TNRC18: variants seen among roughly 807,000 people sequenced by gnomAD.
TNRC18 encodes trinucleotide repeat-containing gene 18 protein.
In TNRC18, 69 loss-of-function variants were observed where a neutral mutation model predicts 226.7. The observed-to-expected ratio is 0.30, with a 90% CI of 0.25 to 0.37. TNRC18 has a LOEUF of 0.37. Ranked by LOEUF, TNRC18 falls within the 10% of genes least tolerant of loss-of-function variation. The probability of loss-of-function intolerance (pLI) is 1.00; values close to 1 mark genes in which losing one functional copy is unlikely to be tolerated. For missense variants in TNRC18, 4,754 were observed against 4,256.6 expected (o/e 1.12, Z -3.25); for synonymous variants, 2,449 against 1,927.6 (o/e 1.27, Z -7.09).
chr7:5,363,537 G>A (rs941403129), intron 11 of TNRC18, among the ~76,000 whole-genome samples: 1 of 152,148 alleles, frequency 6.6e-6, no homozygotes, highest in African/African-American at 2.4e-5. Context: ...CTGGGAGGCG[G>A]AGCTTGCAGT....
At chr7:5,347,689 G>T (rs942678894) in intron 17 of TNRC18, among the ~76,000 whole-genome samples, 1 of 150,848 alleles carries the variant, frequency 6.6e-6, no homozygotes, top group African/African-American at 2.4e-5. Context: ...CAGCGCAGTG[G>T]CTCACGCCTG....
At chr7:5,327,801 T>C (rs1327874332) in intron 19 of TNRC18, among the ~76,000 whole-genome samples, 1 of 152,074 alleles carries the variant, frequency 6.6e-6, no homozygotes, top group South Asian at 2.1e-4. Context: ...AAGTTCTGTA[T>C]GCAAAACAGA....
At chr7:5,411,515 C>CGAAA (rs1781843766) in intron 2 of TNRC18, among the ~76,000 whole-genome samples, 1 of 65,450 alleles carries the variant, frequency 1.5e-5, no homozygotes. Context: ...AAGACTCTGT[C>CGAAA]AAAAAAAAAA....
intron 2 of TNRC18, among the ~76,000 whole-genome samples, chr7:5,417,899 A>T (rs1047547591): frequency 4.6e-5 from 7 of 152,180 alleles, no homozygotes; most frequent in Non-Finnish European, 8.8e-5. Flanking sequence ...GATTCCAGAG[A>T]TGGATCTGAT....
At position 5,313,541 on chromosome 7, in the gene TNRC18, G is replaced by T. The variant is rs1389194352; in HGVS notation, c.7350C>A (p.Gly2450=). Residue 2450 remains glycine (G), a synonymous_variant, in exon 27 of 30, where the codon GGC becomes GGA. Transcript: ENST00000430969. ...ARAAEESGAK[G]PRRPGEEAEL... ...CGGCCTCCTCCCCCGGCCTCCGAGG[G>T]CCCTTGGCACCCGACTCCTCGGCTG... 6 of 1,611,130 alleles carry T rather than the reference G, an allele frequency of 3.7e-6. No homozygotes were observed. Among genetic ancestry groups the T allele is most frequent in the Non-Finnish European group, 5.1e-6 (6 of 1,178,828 alleles).
At chr7:5,384,380 C>T (rs2128188531) in intron 5 of TNRC18, among the ~76,000 whole-genome samples, 1 of 152,298 alleles carries the variant, frequency 6.6e-6, no homozygotes, top group East Asian at 1.9e-4. Flanking sequence ...GGATTACAGG[C>T]CTGAGCCACC....
chr7:5,349,629 G>A (rs955679069), intron 17 of TNRC18, among the ~76,000 whole-genome samples: 14 of 152,346 alleles, frequency 9.2e-5, no homozygotes, highest in Middle Eastern at 6.8e-3. Flanking sequence ...TCGCACCCAA[G>A]CTCAGTGACC....
intron 2 of TNRC18, among the ~76,000 whole-genome samples, chr7:5,398,376 G>A (rs1473637356): frequency 6.6e-6 from 1 of 152,108 alleles, no homozygotes; most frequent in African/African-American, 2.4e-5. Context: ...CTCAATGTTG[G>A]TCAGGCTGGT....
chr7:5,326,675 C>T (rs1335309726), intron 19 of TNRC18, among the ~76,000 whole-genome samples: 3 of 152,096 alleles, frequency 2.0e-5, no homozygotes, highest in East Asian at 1.9e-4. Context: ...GGCATGGTGG[C>T]GGGTGCCTGT....
intron 5 of TNRC18, among the ~76,000 whole-genome samples, chr7:5,378,708 G>A (rs1193748161): frequency 6.6e-6 from 1 of 151,552 alleles, no homozygotes; most frequent in Non-Finnish European, 1.5e-5. Context: ...GTGAGTCACC[G>A]AGCCCCGCCA....
chr7:5,335,598 C>A (rs1267831624), intron 18 of TNRC18, among the ~76,000 whole-genome samples: 4 of 117,994 alleles, frequency 3.4e-5, no homozygotes, highest in African/African-American at 1.2e-4. Flanking sequence ...GAGTGAGACT[C>A]CGTCTAGAAA....
chr7:5,363,098 A>T (rs1211926339), intron 11 of TNRC18, among the ~76,000 whole-genome samples: 1 of 149,658 alleles, frequency 6.7e-6, no homozygotes, highest in Non-Finnish European at 1.5e-5. Context: ...GTTCAAGACC[A>T]GCCTAGCCAA....
intron 16 of TNRC18, among the ~76,000 whole-genome samples, chr7:5,356,590 C>A (rs1012341597): frequency 4.6e-5 from 7 of 152,252 alleles, no homozygotes; most frequent in African/African-American, 9.6e-5. Context: ...GGCTTCCTCG[C>A]CTATGACATC....
rs1780569677 is a variant in TNRC18, at chr7:5,394,989, C to A, written c.188-394G>T. Among the ~76,000 whole-genome samples, 5 of 152,188 alleles carry A rather than the reference C, an allele frequency of 3.3e-5. No individual in the cohort carries two copies. In the South Asian group the frequency reaches 1.0e-3, roughly 32 times the overall value. On this transcript the variant is annotated intron_variant, in intron 2 of 29. Coordinates refer to ENST00000430969, the MANE Select transcript of TNRC18 (RefSeq NM_001080495.3). The surrounding 1 kb of genome is among the most constrained non-coding windows in gnomAD (Gnocchi z 4.5). The stretch of plus-strand genomic sequence containing the variant: ...GGCGCACTGGGACTTCCAGAGGCCA[C>A]AGGGCAAGGCGGTGGGGGACTTACA...
Position 5,315,864 on chromosome 7 carries a change from CTT to C in TNRC18, c.6862+90_6862+91del, listed in dbSNP as rs1787795041. 15 of 963,348 alleles carry C rather than the reference CTT, an allele frequency of 1.6e-5. No homozygotes were observed. In the South Asian group the frequency reaches 2.8e-4, roughly 18 times the overall value. 59.7% of individuals were successfully genotyped at this position (963,348 alleles called of 1,614,324 possible). Reference sequence around the variant, plus strand: ...TTCCATCACCTGTGGCTCCAAATGACTTCAGACAGAGCTCAGAGCCGGGCTTG... The same window carrying C: ...TTCCATCACCTGTGGCTCCAAATGACCAGACAGAGCTCAGAGCCGGGCTTG... On this transcript the variant is annotated intron_variant, in intron 25 of 29. Transcript: ENST00000430969.
intron 5 of TNRC18, among the ~76,000 whole-genome samples, chr7:5,386,129 G>C (rs545067403): frequency 1.0e-4 from 15 of 149,318 alleles, no homozygotes; most frequent in Admixed American, 9.5e-4. Context: ...TCTACTAAAA[G>C]ATACAAAAGT....
In TNRC18 at chr7:5,377,931, T is replaced by C. The variant is rs759406314; in HGVS notation, c.2246A>G (p.Lys749Arg). 4 of 1,613,090 alleles carry C rather than the reference T, an allele frequency of 2.5e-6. No individual in the cohort carries two copies. The Admixed American group carries it at 5.0e-5, about 20-fold the overall frequency. ...LGARLDRDQE[K>R]LLRESKELAD... ...CCCCCGACACCCTCACCTGAGCAGCTTCTCCTGATCCCGGTCCAGCCGTGC... is the reference window on the plus strand; with the variant it reads ...CCCCCGACACCCTCACCTGAGCAGCCTCTCCTGATCCCGGTCCAGCCGTGC... The change falls in exon 6 of 30, where the codon AAG (lysine) becomes AGG (arginine). Residue 749 changes from lysine to arginine, a missense_variant. Coordinates refer to ENST00000430969, the MANE Select transcript of TNRC18 (RefSeq NM_001080495.3). The surrounding 1 kb of genome is among the most constrained non-coding windows in gnomAD (Gnocchi z 5.8).
rs1310611241 is a variant in TNRC18 at position 5,370,650 on chromosome 7, G to A, written c.3944C>T (p.Pro1315Leu). 1.2e-6 allele frequency: 2 copies of A among 1,612,814 alleles called. No homozygotes were observed. The highest frequency in any genetic ancestry group is 1.7e-5 in the Admixed American group (1 of 59,952). ...CAGGAAGCAGGTGCTGCCGAGTACA[G>A]GCACGGCCTCTTGGGGCTCCAGGCT... ...CPSLEPQEAV[P>L]VLGSTCFLEE... The change falls in exon 11 of 30, where the codon CCT becomes CTT. Residue 1315 changes from proline to leucine, a missense_variant. By Grantham distance (98) the Pro-to-Leu change is moderately conservative. Coordinates refer to ENST00000430969, the MANE Select transcript of TNRC18 (RefSeq NM_001080495.3).
At chr7:5,376,543 C>T (rs1344160018) in intron 8 of TNRC18, among the ~76,000 whole-genome samples, 1 of 152,232 alleles carries the variant, frequency 6.6e-6, no homozygotes, top group Admixed American at 6.5e-5. Flanking sequence ...TCTCCCACCC[C>T]TCCCAGTGGT....
Sources: allele counts gnomAD v4.1 joint callset (sites outside exome capture counted in the v4.1 genomes callset), GRCh38; gene constraint gnomAD v4.1.1; non-coding constraint Gnocchi (gnomAD v3.1); transcripts MANE v1.5; gene names NCBI Gene and HGNC (gene_info 2026-07-23, HGNC 2026-07-21).